REV1: variants seen among roughly 807,000 people sequenced by gnomAD.
REV1 encodes the protein REV1 DNA directed polymerase.
REV1 carries 42 observed loss-of-function variants against 137.4 expected under a neutral mutation model. The ratio of observed to expected loss-of-function variants is 0.31; its 90% CI spans 0.24 to 0.40. REV1 has a LOEUF of 0.40. Among genes scored for constraint, REV1 ranks in the 10% least tolerant of loss-of-function variants. REV1 has a pLI of 1.00. For missense variants in REV1, 1,282 were observed against 1,490.1 expected, an observed-to-expected ratio of 0.86 and a Z score of 2.30; for synonymous variants, 524 against 519.2, an observed-to-expected ratio of 1.01 and a Z score of -0.12.
chr2:99,480,585 C>A (rs1686507425), intron 1 of REV1, among the ~76,000 whole-genome samples: 1 of 152,188 alleles, frequency 6.6e-6, no homozygotes, highest in South Asian at 2.1e-4. Context: ...GCATTCCACC[C>A]ACACAAGTCA....
chr2:99,404,096 C>A (rs1440625876), intron 18 of REV1, among the ~76,000 whole-genome samples: 1 of 152,188 alleles, frequency 6.6e-6, no homozygotes, highest in Non-Finnish European at 1.5e-5. Context: ...GGAAGCAAAA[C>A]ATTGAAACAG....
chr2:99,432,623 A>G (rs368035045), intron 8 of REV1, among the ~76,000 whole-genome samples: 52 of 152,362 alleles, frequency 3.4e-4, no homozygotes, highest in African/African-American at 1.2e-3. Context: ...TTAAAGTAAG[A>G]GTATAAAATA....
At chr2:99,487,142 G>T (rs1313681992) in intron 1 of REV1, among the ~76,000 whole-genome samples, 1 of 152,320 alleles carries the variant, frequency 6.6e-6, no homozygotes, top group South Asian at 2.1e-4. Flanking sequence ...TCCTAAGGAA[G>T]AAACACTTTG....
At chr2:99,457,489 C>T (rs1683656570) in intron 3 of REV1, among the ~76,000 whole-genome samples, 1 of 152,154 alleles carries the variant, frequency 6.6e-6, no homozygotes, top group African/African-American at 2.4e-5. Context: ...CGAGACCAGC[C>T]TGGCCAACAT....
At chr2:99,468,062 C>T (rs1326182249) in intron 1 of REV1, among the ~76,000 whole-genome samples, 1 of 152,036 alleles carries the variant, frequency 6.6e-6, no homozygotes, top group Non-Finnish European at 1.5e-5. Context: ...TGCCTGTAAT[C>T]CCAGCTACTC....
At chr2:99,465,610 T>C (rs1213416116) in intron 1 of REV1, among the ~76,000 whole-genome samples, 1 of 152,240 alleles carries the variant, frequency 6.6e-6, no homozygotes, top group African/African-American at 2.4e-5. Flanking sequence ...TCACATTAAG[T>C]GGCAGCTGGC....
intron 17 of REV1, among the ~76,000 whole-genome samples, chr2:99,404,969 T>C (rs1032244376): frequency 6.6e-6 from 1 of 152,154 alleles, no homozygotes; most frequent in African/African-American, 2.4e-5. Flanking sequence ...TGTCCTGCAA[T>C]TGGGGCCAAC....
intron 3 of REV1, among the ~76,000 whole-genome samples, chr2:99,454,358 C>G (rs889705818): frequency 6.6e-6 from 1 of 151,904 alleles, no homozygotes; most frequent in African/African-American, 2.4e-5. Flanking sequence ...AAGACCAAGT[C>G]TGACCAACAT....
rs1299576953 is a variant in REV1, at chr2:99,489,697, C to T, written c.-11+120G>A. 2.0e-5 allele frequency: 3 copies of T among 149,618 alleles called. 1 individual carries two copies. The highest frequency in any genetic ancestry group is 7.3e-5 in the African/African-American group (3 of 41,106). 9.3% of individuals were successfully genotyped at this position (149,618 alleles called of 1,614,324 possible). A position where few individuals can be genotyped will look rare whatever the true frequency, so the allele number is the denominator to read the frequency against. The stretch of plus-strand genomic sequence containing the variant: ...GGGGCCGGGGCGACGCACCCCTCCC[C>T]CGCGCCACCTCAGGCCGACCGCGCT... On this transcript the variant is annotated intron_variant, in intron 1 of 22. Transcript: ENST00000258428.
At chr2:99,444,016 T>C (rs946336525) in intron 4 of REV1, among the ~76,000 whole-genome samples, 4 of 152,176 alleles carry the variant, frequency 2.6e-5, no homozygotes, top group Admixed American at 2.6e-4. Flanking sequence ...GAGACGGGGT[T>C]TCACCGTGTT....
In REV1 at chr2:99,404,558, A is replaced by G; in HGVS notation, c.2931T>C (p.Cys977=). 1 of 1,614,144 alleles carries G rather than the reference A, an allele frequency of 6.2e-7. No individual in the cohort carries two copies. The highest frequency in any genetic ancestry group is 8.5e-7 in the Non-Finnish European group (1 of 1,180,008). The change falls in exon 18 of 23, where the codon TGT becomes TGC. Residue 977 remains cysteine, a synonymous_variant. Transcript: ENST00000258428. The stretch of plus-strand genomic sequence containing the variant: ...CTGGTTGTGGCAAAATTCCTGTATT[A>G]CAGCCATTTACTGGTTCTTTCTTTT... The part of the protein sequence containing the change: ...GDKKKEPVNG[C]NTGILPQPVG...
In REV1 at chr2:99,442,356, G is replaced by A. The variant is rs1262631303; in HGVS notation, c.464C>T (p.Pro155Leu). The A allele has an allele frequency of 6.2e-7, 1 of 1,612,568 alleles. No homozygotes were observed. The highest frequency in any genetic ancestry group is 8.5e-7 in the Non-Finnish European group (1 of 1,179,570). The change falls in exon 5 of 23, where the codon CCA becomes CTA. Residue 155 changes from proline (P) to leucine (L), a missense_variant. Coordinates refer to ENST00000258428, the MANE Select transcript of REV1 (RefSeq NM_016316.4). ...NPVCRPEDPL[P>L]GPSNIAKQLN... ...CTGTTTGGCTATATTGCTTGGACCTGGCAGAGGATCCTCAGGTCTGCATAC... is the reference window on the plus strand; with the variant it reads ...CTGTTTGGCTATATTGCTTGGACCTAGCAGAGGATCCTCAGGTCTGCATAC...
rs1360412452 is a variant in REV1, at chr2:99,400,958, G to GTTCT, written c.*279_*282dup. 4 of 203,926 alleles carry GTTCT rather than the reference G, an allele frequency of 2.0e-5. No individual in the cohort carries two copies. The highest frequency in any genetic ancestry group is 1.1e-4 in the Admixed American group (2 of 18,504). 12.6% of individuals were successfully genotyped at this position (203,926 alleles called of 1,614,324 possible). A position where few individuals can be genotyped will look rare whatever the true frequency, so the allele number is the denominator to read the frequency against. On this transcript the variant is annotated 3_prime_UTR_variant, in exon 23 of 23. Coordinates refer to ENST00000258428, the MANE Select transcript of REV1 (RefSeq NM_016316.4). ...GGAGCCTGTACAAAATATACATACA[G>GTTCT]TTCTTTATTAAACAACTGTAAACAC...
At position 99,468,616 on chromosome 2, in the gene REV1, T is replaced by A. The variant is rs541974220; in HGVS notation, c.-10-3631A>T. Among the ~76,000 whole-genome samples, 16 of 152,352 alleles carry A rather than the reference T, an allele frequency of 1.1e-4. No homozygotes were observed. In the South Asian group the frequency reaches 3.1e-3, roughly 30 times the overall value. On this transcript the variant is annotated intron_variant, in intron 1 of 22. Transcript: ENST00000258428. ...CCCAATTTAATTCCACATAACTTGA[T>A]GACCTTGAGGAATGTGATAACAGTT...
chr2:99,443,755 A>G (rs954379840), intron 4 of REV1, among the ~76,000 whole-genome samples: 1 of 152,236 alleles, frequency 6.6e-6, no homozygotes, highest in Non-Finnish European at 1.5e-5. Flanking sequence ...TTCAAAATAC[A>G]TTCAAAATTT....
At chr2:99,403,668 T>C in intron 19 of REV1, 27 bp downstream of exon 19, 1 of 1,614,084 alleles carries the variant, frequency 6.2e-7, no homozygotes, top group Non-Finnish European at 8.5e-7. Flanking sequence ...GTCTTCATTT[T>C]TGTTACATGC....
chr2:99,487,251 G>GGATTCCTGGAATCAATGATT (rs377674533), intron 1 of REV1, among the ~76,000 whole-genome samples: 2 of 125,276 alleles, frequency 1.6e-5, no homozygotes, highest in African/African-American at 2.8e-5. Context: ...GCCAAATCAT[G>GGATTCCTGGAATCAATGATT]CTATGCCCTG....
intron 5 of REV1, among the ~76,000 whole-genome samples, chr2:99,441,992 G>A (rs986055431): frequency 1.3e-5 from 2 of 152,070 alleles, no homozygotes; most frequent in Non-Finnish European, 2.9e-5. Context: ...GGTGGCTCAT[G>A]CCTGTAACCC....
At chr2:99,467,812 G>A (rs954857783) in intron 1 of REV1, among the ~76,000 whole-genome samples, 6 of 152,194 alleles carry the variant, frequency 3.9e-5, no homozygotes, top group Non-Finnish European at 5.9e-5. Flanking sequence ...TTGGGAGGCC[G>A]AGGTGGGTGG....
Sources: gnomAD v4.1 joint callset for allele counts (sites outside exome capture counted in the v4.1 genomes callset) on GRCh38, gnomAD v4.1.1 for gene constraint, MANE v1.5 for transcripts, NCBI Gene and HGNC (gene_info 2026-07-23, HGNC 2026-07-21) for gene names.